Variants in CEP72 observed in about 807,000 individuals in gnomAD.
CEP72 encodes the protein centrosomal protein of 72 kDa.
In CEP72, 78 loss-of-function variants were observed where a neutral mutation model predicts 65.7. That is an observed-to-expected ratio of 1.19 (90% CI 0.99 to 1.43). The LOEUF is 1.43. Ranked by LOEUF, CEP72 falls within the 40% of genes most tolerant of loss-of-function variation. The pLI is 0.00. For synonymous variants in CEP72, 358 were observed against 351.7 expected, an observed-to-expected ratio of 1.02 and a Z score of -0.20; for missense variants, 914 against 832.9, an observed-to-expected ratio of 1.10 and a Z score of -1.20.
intron 1 of CEP72, among the ~76,000 whole-genome samples, chr5:617,261 G>A (rs1378864936): frequency 3.3e-5 from 5 of 152,180 alleles, no homozygotes; most frequent in African/African-American, 1.2e-4. Context: ...GTCCCCCAAT[G>A]CTTGTTCCGT....
At chr5:669,488 G>A (rs1010041305), downstream of CEP72, among the ~76,000 whole-genome samples, 4 of 152,074 alleles carry the variant, frequency 2.6e-5, no homozygotes, top group Non-Finnish European at 5.9e-5. Flanking sequence ...GGGGCCCTTG[G>A]GGCCTCTGTC....
chr5:634,117 G>GA (rs1737423254), intron 5 of CEP72, among the ~76,000 whole-genome samples, 170 bp downstream of exon 5: 1 of 141,548 alleles, frequency 7.1e-6, no homozygotes. Context: ...TTGGACTACA[G>GA]AGTTATAAAT....
intron 4 of CEP72, among the ~76,000 whole-genome samples, chr5:632,046 G>A (rs1286439819): frequency 2.0e-5 from 1 of 50,228 alleles, no homozygotes; most frequent in Non-Finnish European, 3.6e-5. Flanking sequence ...CAGTCCTAGT[G>A]GGGTTCTGTC....
intron 4 of CEP72, among the ~76,000 whole-genome samples, chr5:632,762 T>C (rs377100058): frequency 0.044 from 1,171 of 26,756 alleles, 5 homozygotes; most frequent in Middle Eastern, 0.18. Context: ...TTCTATCCAG[T>C]GCCGGGATTT....
chr5:668,548 CA>C (rs1440521891), downstream of CEP72, among the ~76,000 whole-genome samples: 1 of 152,116 alleles, frequency 6.6e-6, no homozygotes, highest in Non-Finnish European at 1.5e-5. Flanking sequence ...CTCAGACAAT[CA>C]AATAAACTGC....
At chr5:652,861 A>T in intron 11 of CEP72, 127 bp from the exon 12 acceptor site, 1 of 1,021,372 alleles carries the variant, frequency 9.8e-7, no homozygotes, top group South Asian at 1.8e-5. Flanking sequence ...GGCCACAGAG[A>T]TAGGTCTGTG....
chr5:660,551 C>T (rs1009826003), downstream of CEP72: 1 of 152,424 alleles, frequency 6.6e-6, no homozygotes, highest in African/African-American at 2.4e-5. Flanking sequence ...TGTGCCATCC[C>T]CTCGTGGTGT....
downstream of CEP72, among the ~76,000 whole-genome samples, chr5:653,753 C>CCAAG (rs1739258676): frequency 6.6e-6 from 1 of 152,174 alleles, no homozygotes; most frequent in Non-Finnish European, 1.5e-5. Context: ...AAACATCTAC[C>CCAAG]CAAGCCCTGG....
chr5:621,586 G>T (rs55806413), intron 3 of CEP72, among the ~76,000 whole-genome samples: 15,807 of 152,270 alleles, frequency 0.1, 1,806 homozygotes, highest in African/African-American at 0.28. Flanking sequence ...TGTGACGTCA[G>T]CAAAGCTGCA....
rs144885757 is a variant in CEP72, at chr5:624,211, CGT to C, written c.404-248_404-247del. Among the ~76,000 whole-genome samples the C allele has an allele frequency of 1.3e-5, 2 of 151,970 alleles. No homozygotes were observed. Among genetic ancestry groups the C allele is most frequent in the Non-Finnish European group, 2.9e-5 (2 of 67,980 alleles). On this transcript the variant is annotated intron_variant, in intron 3 of 11. Transcript: ENST00000264935. The surrounding 1 kb of genome is among the most constrained non-coding windows in gnomAD (Gnocchi z 4.7). ...GTGTGCACTTTAGAGAAAGGGTGTGCGTGTGTGTGTGTGAGCCTCATCTGTGT... is the reference window on the plus strand; with the variant it reads ...GTGTGCACTTTAGAGAAAGGGTGTGCGTGTGTGTGTGAGCCTCATCTGTGT...
downstream of CEP72, among the ~76,000 whole-genome samples, chr5:659,179 A>G (rs6879039): frequency 0.042 from 6,399 of 151,838 alleles, 444 homozygotes; most frequent in African/African-American, 0.15. Flanking sequence ...GCTCTCACCC[A>G]CCTCTGGGGT....
chr5:650,066 G>A (rs1738873128), intron 11 of CEP72, among the ~76,000 whole-genome samples: 1 of 74,426 alleles, frequency 1.3e-5, no homozygotes, highest in African/African-American at 5.4e-5. Context: ...GTGTGACTGT[G>A]AGGTGTGACT....
Position 637,525 on chromosome 5 carries a change from G to T in CEP72, c.913G>T (p.Asp305Tyr). The part of the protein sequence containing the change: ...TYFTPHPDSM[D>Y]TEDSASSQKL... ...TCCTCTCTATATCTCAGACTCCATG[G>T]ATACCGAGGACTCGGCCTCTTCTCA... The change falls in exon 7 of 12, where the codon GAT (aspartate) becomes TAT (tyrosine). Residue 305 changes from aspartate (D) to tyrosine (Y), a missense_variant. Transcript: ENST00000264935. 6.2e-7 allele frequency: 1 copy of T among 1,612,854 alleles called. No homozygotes were observed. Among genetic ancestry groups the T allele is most frequent in the Admixed American group, 1.7e-5 (1 of 59,982 alleles).
At chr5:651,663 G>T (rs547644832) in intron 11 of CEP72, among the ~76,000 whole-genome samples, 1 of 152,020 alleles carries the variant, frequency 6.6e-6, no homozygotes, top group African/African-American at 2.4e-5. Flanking sequence ...ATTGTGTGCC[G>T]GGACGTGGTT....
rs762718833 is a variant in CEP72, at chr5:637,671, C to T, written c.1059C>T (p.Cys353=). 5 of 1,613,892 alleles carry T rather than the reference C, an allele frequency of 3.1e-6. No homozygotes were observed. Among genetic ancestry groups the T allele is most frequent in the Non-Finnish European group, 4.2e-6 (5 of 1,180,034 alleles). The change falls in exon 7 of 12, where the codon TGC becomes TGT. Residue 353 remains cysteine, a synonymous_variant. Transcript: ENST00000264935. ...QTFSDQEGLG[C]PERTHGSSVP... is the part of the protein sequence containing the mutation. The stretch of plus-strand genomic sequence containing the variant: ...TTTCGGACCAGGAGGGTTTGGGCTG[C>T]CCGGAGAGAACTCATGGGTCCTCCG...
chr5:651,003 C>T (rs367700150), intron 11 of CEP72, among the ~76,000 whole-genome samples: 2 of 46,266 alleles, frequency 4.3e-5, no homozygotes, highest in Admixed American at 2.3e-4. Context: ...GACTGTGAGG[C>T]GTGGACTGTG....
Position 639,071 on chromosome 5 carries a change from C to G in CEP72, c.1207-18C>G. On this transcript the variant is annotated intron_variant, in intron 7 of 11. Transcript: ENST00000264935. ...CAGTTACTGACTCGCTGGCCTCATG[C>G]TGTTGTTTCCATCACAGCCGTCTCC... is the stretch of plus-strand genomic sequence containing the variant. 6.2e-7 allele frequency: 1 copy of G among 1,613,192 alleles called. No individual in the cohort carries two copies. Among genetic ancestry groups the G allele is most frequent in the East Asian group, 2.2e-5 (1 of 44,876 alleles).
intron 10 of CEP72, among the ~76,000 whole-genome samples, chr5:644,849 T>C (rs1381318886): frequency 6.6e-6 from 1 of 152,254 alleles, no homozygotes; most frequent in East Asian, 1.9e-4. Flanking sequence ...GCATTTCTGG[T>C]GAACCCGTGT....
chr5:635,612 C>G, intron 6 of CEP72, 28 bp downstream of exon 6: 1 of 1,531,666 alleles, frequency 6.5e-7, no homozygotes, highest in Middle Eastern at 2.1e-4. Context: ...AGTCTGTTTT[C>G]TGTTGCTGTA....
Sources: allele counts gnomAD v4.1 joint callset (sites outside exome capture counted in the v4.1 genomes callset), GRCh38; gene constraint gnomAD v4.1.1; non-coding constraint Gnocchi (gnomAD v3.1); transcripts MANE v1.5; gene names NCBI Gene and HGNC (gene_info 2026-07-23, HGNC 2026-07-21).